SLCO6A1: variants seen among roughly 807,000 people sequenced by gnomAD.
SLCO6A1 encodes cancer/testis antigen 48.
A neutral mutation model predicts 72.7 loss-of-function variants in SLCO6A1; 65 were observed. That is an observed-to-expected ratio of 0.89 (90% CI 0.73 to 1.10). SLCO6A1 has a LOEUF of 1.10. Among genes scored for constraint, SLCO6A1 ranks in the 50% least tolerant of loss-of-function variants. The pLI is 0.00. For missense variants in SLCO6A1, 874 were observed against 872.6 expected (o/e 1.00, Z -0.02); for synonymous variants, 314 against 298.2 (o/e 1.05, Z -0.55).
At chr5:102,478,931 TAC>T (rs1752047858) in intron 2 of SLCO6A1, among the ~76,000 whole-genome samples, 1 of 152,228 alleles carries the variant, frequency 6.6e-6, no homozygotes, top group Non-Finnish European at 1.5e-5. Context: ...TTCAATTTTA[TAC>T]AGACATATTA....
intron 7 of SLCO6A1, among the ~76,000 whole-genome samples, chr5:102,435,459 G>A (rs577078890): frequency 7.9e-5 from 12 of 152,246 alleles, no homozygotes; most frequent in Non-Finnish European, 1.6e-4. Context: ...CTCTCACACG[G>A]TCTAACAGAA....
intron 1 of SLCO6A1, among the ~76,000 whole-genome samples, chr5:102,487,579 C>T (rs902452635): frequency 6.6e-6 from 1 of 152,208 alleles, no homozygotes; most frequent in Non-Finnish European, 1.5e-5. Flanking sequence ...CCCACTGACC[C>T]TACCAACAGG....
intron 10 of SLCO6A1, among the ~76,000 whole-genome samples, chr5:102,398,480 C>A (rs1005342063): frequency 1.3e-5 from 2 of 152,132 alleles, no homozygotes; most frequent in African/African-American, 4.8e-5. Context: ...GCCTGGCCAC[C>A]ACTACTAAAT....
chr5:102,399,634 G>T lies in SLCO6A1; in HGVS notation c.1735C>A (p.Pro579Thr). 6.2e-7 allele frequency: 1 copy of T among 1,607,192 alleles called. No individual in the cohort carries two copies. The highest frequency in any genetic ancestry group is 8.5e-7 in the Non-Finnish European group (1 of 1,175,564). ...GAAAAGATAAAAGCAATGAACAAAG[G>T]TAACTTATAGCACTTTGCATCACAT... The part of the protein sequence containing the change: ...GKCDAKCYKL[P>T]LFIAFIFSTL... Residue 579 changes from proline (P) to threonine (T), a missense_variant, in exon 10 of 14, where the codon CCT (proline) becomes ACT (threonine). Transcript: ENST00000506729.
intron 12 of SLCO6A1, among the ~76,000 whole-genome samples, chr5:102,381,223 T>A (rs940006357): frequency 6.6e-6 from 1 of 151,772 alleles, no homozygotes; most frequent in Non-Finnish European, 1.5e-5. Flanking sequence ...GACCAATATC[T>A]CTCATTTCCC....
chr5:102,473,115 C>A (rs1275091071), intron 4 of SLCO6A1, among the ~76,000 whole-genome samples: 1 of 151,940 alleles, frequency 6.6e-6, no homozygotes, highest in African/African-American at 2.4e-5. Context: ...GGGAATACTT[C>A]AAATTCTTTC....
At chr5:102,401,000 A>G (rs1477191844) in intron 9 of SLCO6A1, among the ~76,000 whole-genome samples, 2 of 152,072 alleles carry the variant, frequency 1.3e-5, no homozygotes. Flanking sequence ...AAGGAACTTG[A>G]GTATTTAATG....
chr5:102,449,903 G>A (rs1283829191), intron 6 of SLCO6A1, among the ~76,000 whole-genome samples: 1 of 152,102 alleles, frequency 6.6e-6, no homozygotes. Flanking sequence ...TGGTCTTCAA[G>A]CTCTGAGATT....
chr5:102,412,708 C>G (rs141170947), intron 9 of SLCO6A1, among the ~76,000 whole-genome samples: 124 of 151,652 alleles, frequency 8.2e-4, no homozygotes, highest in Middle Eastern at 6.8e-3. Context: ...TTGCAGTGAG[C>G]TGGGATCTCT....
intron 6 of SLCO6A1, among the ~76,000 whole-genome samples, chr5:102,445,866 T>C (rs1750081062): frequency 1.3e-5 from 2 of 152,210 alleles, no homozygotes; most frequent in Non-Finnish European, 2.9e-5. Flanking sequence ...TTGTTGAAGA[T>C]CAGATGGCTG....
chr5:102,389,704 A>G (rs148618480), intron 11 of SLCO6A1, among the ~76,000 whole-genome samples: 1 of 151,980 alleles, frequency 6.6e-6, no homozygotes, highest in African/African-American at 2.4e-5. Flanking sequence ...TTTTCAATCC[A>G]TCATACATCT....
intron 1 of SLCO6A1, among the ~76,000 whole-genome samples, chr5:102,487,688 T>C (rs532775585): frequency 6.6e-6 from 1 of 152,314 alleles, no homozygotes; most frequent in African/African-American, 2.4e-5. Flanking sequence ...CATCAAATAC[T>C]TGCCCAACCA....
intron 7 of SLCO6A1, among the ~76,000 whole-genome samples, chr5:102,431,291 C>T (rs1050461900): frequency 6.6e-6 from 1 of 152,088 alleles, no homozygotes; most frequent in Non-Finnish European, 1.5e-5. Flanking sequence ...TTCTTTTCCT[C>T]CTCTAGCTTT....
chr5:102,458,945 T>C (rs1226341900), intron 5 of SLCO6A1, among the ~76,000 whole-genome samples: 2 of 152,198 alleles, frequency 1.3e-5, no homozygotes, highest in Non-Finnish European at 2.9e-5. Flanking sequence ...TTTCAGTGTT[T>C]CTAAGAAAAT....
chr5:102,400,883 TG>T (rs1442903616), intron 9 of SLCO6A1, among the ~76,000 whole-genome samples: 3 of 152,008 alleles, frequency 2.0e-5, no homozygotes, highest in African/African-American at 4.8e-5. Context: ...AGTGCCTATA[TG>T]CCAATCATCA....
intron 9 of SLCO6A1, among the ~76,000 whole-genome samples, chr5:102,406,888 AACAGATGAAAGGGG>A (rs1313850615): frequency 7.2e-5 from 11 of 152,232 alleles, no homozygotes. Flanking sequence ...TACTTAAATA[AACAGATGAAAGGGG>A]ACAGAAAAGA....
At chr5:102,451,474 G>T (rs750046719) in intron 6 of SLCO6A1, among the ~76,000 whole-genome samples, 21 of 152,190 alleles carry the variant, frequency 1.4e-4, no homozygotes, top group Non-Finnish European at 2.8e-4. Flanking sequence ...GCATAGGGGT[G>T]TTCAGGAGTC....
intron 9 of SLCO6A1, among the ~76,000 whole-genome samples, chr5:102,412,257 T>C (rs1008155952): frequency 6.6e-6 from 1 of 151,778 alleles, no homozygotes; most frequent in Non-Finnish European, 1.5e-5. Flanking sequence ...CTCCCTAAAA[T>C]GTATAATACA....
intron 4 of SLCO6A1, among the ~76,000 whole-genome samples, chr5:102,462,464 T>C (rs1751087287): frequency 6.6e-6 from 1 of 152,172 alleles, no homozygotes; most frequent in African/African-American, 2.4e-5. Context: ...TCTAGAGGCA[T>C]CACACTACCT....
Sources: allele counts gnomAD v4.1 joint callset (sites outside exome capture counted in the v4.1 genomes callset), GRCh38; gene constraint gnomAD v4.1.1; transcripts MANE v1.5; gene names NCBI Gene and HGNC (gene_info 2026-07-23, HGNC 2026-07-21).